Variants in ADGRL3 observed in about 807,000 individuals in gnomAD.
ADGRL3 encodes the protein adhesion G protein-coupled receptor L3.
A neutral mutation model predicts 153.5 loss-of-function variants in ADGRL3; 62 were observed. The ratio of observed to expected loss-of-function variants is 0.40; its 90% CI spans 0.33 to 0.50. The LOEUF (loss-of-function observed/expected upper bound fraction) is 0.50. Among genes scored for constraint, ADGRL3 ranks in the 20% least tolerant of loss-of-function variants. The pLI is 0.47. For missense variants in ADGRL3, 1,641 were observed against 1,859.4 expected (o/e 0.88, Z 2.16); for synonymous variants, 710 against 672.5 (o/e 1.06, Z -0.86).
chr4:62,060,886 A>G (rs1739737062), intron 25 of ADGRL3, among the ~76,000 whole-genome samples: 1 of 151,972 alleles, frequency 6.6e-6, no homozygotes, highest in African/African-American at 2.4e-5. Flanking sequence ...TATGTTTTAT[A>G]TCTTCAGAAA....
intron 8 of ADGRL3, among the ~76,000 whole-genome samples, chr4:61,768,559 T>G (rs934959877): frequency 2.0e-5 from 3 of 151,970 alleles, no homozygotes; most frequent in African/African-American, 7.3e-5. Context: ...ATTTAGATCT[T>G]GTAGGGTGGA....
intron 8 of ADGRL3, among the ~76,000 whole-genome samples, chr4:61,734,705 A>G (rs4351047): frequency 0.44 from 66,532 of 151,994 alleles, 14,800 homozygotes; most frequent in Admixed American, 0.54. Context: ...TCAACTAGCC[A>G]TAACAGTCTT....
intron 23 of ADGRL3, among the ~76,000 whole-genome samples, chr4:62,037,435 A>G (rs534934604): frequency 1.3e-5 from 2 of 152,214 alleles, no homozygotes; most frequent in South Asian, 4.1e-4. Flanking sequence ...GGGCTTAAGT[A>G]TATGTTCTTG....
intron 8 of ADGRL3, among the ~76,000 whole-genome samples, chr4:61,768,881 G>T (rs965098003): frequency 9.2e-5 from 14 of 151,960 alleles, no homozygotes; most frequent in Admixed American, 7.2e-4. Flanking sequence ...AGAGATAAGA[G>T]GTCAGGGTGC....
intron 17 of ADGRL3, among the ~76,000 whole-genome samples, chr4:61,957,700 C>G (rs2098972857): frequency 6.6e-6 from 1 of 150,422 alleles, no homozygotes; most frequent in Non-Finnish European, 1.5e-5. Context: ...TTTTTTTGTA[C>G]AAGGACACTG....
At chr4:61,234,039 A>G (rs1027867997) in intron 1 of ADGRL3, among the ~76,000 whole-genome samples, 2 of 152,148 alleles carry the variant, frequency 1.3e-5, no homozygotes, top group Non-Finnish European at 2.9e-5. Context: ...GGACATTTCT[A>G]TCTCCTACAA....
chr4:61,663,488 G>A (rs571033200), intron 5 of ADGRL3, among the ~76,000 whole-genome samples: 5 of 152,288 alleles, frequency 3.3e-5, no homozygotes, highest in South Asian at 2.1e-4. Context: ...GGTGTGCAGC[G>A]GATGGACCCT....
intron 25 of ADGRL3, among the ~76,000 whole-genome samples, chr4:62,047,073 C>G (rs1269502569): frequency 6.6e-6 from 1 of 151,892 alleles, no homozygotes; most frequent in Non-Finnish European, 1.5e-5. Context: ...TTCTCTATTA[C>G]TAAAATAAAA....
intron 1 of ADGRL3, among the ~76,000 whole-genome samples, chr4:61,372,497 T>C (rs1434127581): frequency 2.0e-5 from 3 of 152,210 alleles, no homozygotes; most frequent in Admixed American, 6.5e-5. Flanking sequence ...CAGTGTGAGG[T>C]GTCAGTGTGC....
intron 6 of ADGRL3, among the ~76,000 whole-genome samples, chr4:61,684,720 C>T (rs1310862047): frequency 1.3e-5 from 2 of 152,020 alleles, no homozygotes; most frequent in Non-Finnish European, 2.9e-5. Flanking sequence ...CAGGCTAGCT[C>T]TGATTTGGTT....
intron 8 of ADGRL3, among the ~76,000 whole-genome samples, chr4:61,753,134 G>A (rs190018804): frequency 5.9e-5 from 9 of 151,456 alleles, no homozygotes; most frequent in East Asian, 3.9e-4. Context: ...ATCTCATTTC[G>A]GGAGACACCA....
intron 21 of ADGRL3, among the ~76,000 whole-genome samples, chr4:62,018,878 G>T (rs938666668): frequency 1.3e-5 from 2 of 152,132 alleles, no homozygotes; most frequent in Non-Finnish European, 2.9e-5. Flanking sequence ...ATCCTGATAT[G>T]CTCTATGAAA....
intron 4 of ADGRL3, among the ~76,000 whole-genome samples, chr4:61,563,611 T>G (rs921219838): frequency 6.6e-6 from 1 of 152,240 alleles, no homozygotes; most frequent in African/African-American, 2.4e-5. Flanking sequence ...GTAGCCACAT[T>G]CAACAAGTAT....
chr4:61,961,488 G>A (rs2098987627), intron 17 of ADGRL3, among the ~76,000 whole-genome samples: 2 of 152,264 alleles, frequency 1.3e-5, no homozygotes, highest in South Asian at 4.1e-4. Context: ...AACAGGAAAA[G>A]GAGAAAGCTG....
Position 61,227,072 on chromosome 4 carries a change from GA to G in ADGRL3, c.-240+25309del, listed in dbSNP as rs775900570. 2.8e-3 allele frequency among the ~76,000 whole-genome samples: 419 copies of G among 152,126 alleles called. 1 individual carries two copies. The highest frequency in any genetic ancestry group is 4.6e-3 in the Non-Finnish European group (314 of 68,000). ...ATTTATGTTTTCTGAAGTTTAACTT[GA>G]ATTATAGTGCCTAGCACATAATAGG... On this transcript the variant is annotated intron_variant, in intron 1 of 26. Coordinates refer to ENST00000683033, the MANE Select transcript of ADGRL3 (RefSeq NM_001387552.1).
At chr4:61,407,517 TGGTGTCACAGA>T (rs1190240391) in intron 2 of ADGRL3, among the ~76,000 whole-genome samples, 4 of 152,256 alleles carry the variant, frequency 2.6e-5, no homozygotes, top group Middle Eastern at 3.4e-3. Flanking sequence ...AACATGCTGA[TGGTGTCACAGA>T]GGTGTCCACA....
intron 6 of ADGRL3, among the ~76,000 whole-genome samples, chr4:61,686,469 C>T (rs2151058613): frequency 6.6e-6 from 1 of 152,122 alleles, no homozygotes; most frequent in East Asian, 1.9e-4. Flanking sequence ...GTTTAGAAAG[C>T]ACTTCATCAT....
intron 9 of ADGRL3, among the ~76,000 whole-genome samples, chr4:61,865,674 C>T (rs545705001): frequency 1.3e-5 from 2 of 152,242 alleles, no homozygotes; most frequent in Non-Finnish European, 2.9e-5. Flanking sequence ...CAGTTCTTGC[C>T]ATGCAAAACA....
chr4:62,007,635 T>C (rs1489784134), intron 21 of ADGRL3, among the ~76,000 whole-genome samples: 1 of 151,250 alleles, frequency 6.6e-6, no homozygotes, highest in African/African-American at 2.4e-5. Context: ...CTTCCTTCTC[T>C]TCCTGCCTCC....
Sources: allele counts gnomAD v4.1 joint callset (sites outside exome capture counted in the v4.1 genomes callset), GRCh38; gene constraint gnomAD v4.1.1; transcripts MANE v1.5; gene names NCBI Gene and HGNC (gene_info 2026-07-23, HGNC 2026-07-21).